Variants in ALPK2 observed in about 807,000 individuals in gnomAD.
The protein encoded by ALPK2 is alpha kinase 2, also known as alpha-protein kinase 2.
In ALPK2, 127 loss-of-function variants were observed where a neutral mutation model predicts 163.1. The observed-to-expected ratio is 0.78, with a 90% CI of 0.67 to 0.90. The LOEUF (loss-of-function observed/expected upper bound fraction) is 0.90. Among genes scored for constraint, ALPK2 ranks in the 40% least tolerant of loss-of-function variants. The probability of loss-of-function intolerance (pLI) is 0.00; values close to 1 mark genes in which losing one functional copy is unlikely to be tolerated. For missense variants in ALPK2, 2,360 were observed against 2,589.6 expected (o/e 0.91, Z 1.92); for synonymous variants, 953 against 959.1 (o/e 0.99, Z 0.12).
At chr18:58,617,239 T>G (rs1217032065) in intron 1 of ALPK2, among the ~76,000 whole-genome samples, 1 of 152,270 alleles carries the variant, frequency 6.6e-6, no homozygotes, top group East Asian at 1.9e-4. Flanking sequence ...CAGGCTAGAG[T>G]GCAATGGCAC....
At chr18:58,589,329 G>T (rs1214191219) in intron 3 of ALPK2, among the ~76,000 whole-genome samples, 2 of 152,200 alleles carry the variant, frequency 1.3e-5, no homozygotes, top group African/African-American at 4.8e-5. Context: ...TTAGTTTTGG[G>T]CAGGAGGAGG....
At chr18:58,511,461 C>G (rs2051490074) in intron 10 of ALPK2, 1 of 152,262 alleles carries the variant, frequency 6.6e-6, no homozygotes, top group Admixed American at 6.5e-5. Flanking sequence ...CAGGTCCTGC[C>G]CTGCTCACTT....
chr18:58,574,281 A>G (rs1025221685), intron 4 of ALPK2, among the ~76,000 whole-genome samples: 1 of 100,746 alleles, frequency 9.9e-6, no homozygotes, highest in Admixed American at 8.9e-5. Context: ...TGTCTCTACT[A>G]AAAAAAAAAA....
intron 3 of ALPK2, among the ~76,000 whole-genome samples, chr18:58,583,801 G>A (rs1023509726): frequency 6.6e-6 from 1 of 151,810 alleles, no homozygotes; most frequent in Admixed American, 6.6e-5. Flanking sequence ...GGGCAATAGG[G>A]ACTACTGGGA....
In ALPK2 at chr18:58,535,012, C is replaced by T; in HGVS notation, c.5175G>A (p.Glu1725=). The change falls in exon 5 of 13, where the codon GAG becomes GAA. Residue 1725 remains glutamate (E), a synonymous_variant. Transcript: ENST00000361673. The part of the protein sequence containing the change: ...PEAPGSGHLA[E]GVKKKILSRV... ...TGGACAAAATTTTCTTCTTTACTCC[C>T]TCAGCTAAATGTCCACTGCCTGGGG... is the stretch of plus-strand genomic sequence containing the variant. 1 of 1,614,166 alleles carries T rather than the reference C, an allele frequency of 6.2e-7. No homozygotes were observed. The highest frequency in any genetic ancestry group is 8.5e-7 in the Non-Finnish European group (1 of 1,180,010).
intron 3 of ALPK2, chr18:58,580,903 C>A (rs1441692568): frequency 5.2e-6 from 1 of 192,884 alleles, no homozygotes; most frequent in East Asian, 1.2e-4. Flanking sequence ...AATTGCCCAC[C>A]CCTTTCTTGG....
intron 5 of ALPK2, among the ~76,000 whole-genome samples, chr18:58,532,300 T>C (rs1012627950): frequency 6.6e-6 from 1 of 152,200 alleles, no homozygotes; most frequent in African/African-American, 2.4e-5. Context: ...AGAAACCCGT[T>C]CTAATTTTCT....
At position 58,503,925 on chromosome 18, in the gene ALPK2, C is replaced by T. The variant is rs747238648; in HGVS notation, c.6247+6G>A. The T allele has an allele frequency of 6.2e-6, 10 of 1,610,500 alleles. No individual in the cohort carries two copies. Among genetic ancestry groups the T allele is most frequent in the African/African-American group, 4.0e-5 (3 of 74,842 alleles). On this transcript the variant is annotated splice_donor_region_variant and intron_variant, in intron 11 of 12. Transcript: ENST00000361673. ...CCTGGAGCCTGGGCTAAGCTGCTTT[C>T]CTCACCTTGCATGTCCGTCACCAGG...
chr18:58,551,160 T>TATTG (rs1186644233), intron 4 of ALPK2, among the ~76,000 whole-genome samples: 3 of 151,550 alleles, frequency 2.0e-5, no homozygotes, highest in Non-Finnish European at 4.4e-5. Flanking sequence ...GTATCTACAC[T>TATTG]ATTGGCAACT....
chr18:58,560,192 A>G (rs868571526), intron 4 of ALPK2, among the ~76,000 whole-genome samples: 25 of 152,322 alleles, frequency 1.6e-4, no homozygotes, highest in African/African-American at 5.3e-4. Flanking sequence ...ATAGTGAATG[A>G]GTCTCACAAG....
At chr18:58,551,560 TA>T (rs1303549096) in intron 4 of ALPK2, among the ~76,000 whole-genome samples, 1 of 152,220 alleles carries the variant, frequency 6.6e-6, no homozygotes, top group African/African-American at 2.4e-5. Context: ...TTCAACCCAC[TA>T]AAGCAATCCA....
chr18:58,573,613 C>CTTTTTTTTTTTT (rs778622176), intron 4 of ALPK2, among the ~76,000 whole-genome samples: 110 of 51,704 alleles, frequency 2.1e-3, no homozygotes, highest in Non-Finnish European at 2.4e-3. Context: ...TTTTTGTCTT[C>CTTTTTTTTTTTT]TTTTTTTTTT....
chr18:58,481,871 CAT>C lies in ALPK2; in HGVS notation c.6463_6464del (p.Met2155AspfsTer8), dbSNP rs372893643. 2.5e-6 allele frequency: 4 copies of C among 1,614,036 alleles called. No homozygotes were observed. The highest frequency in any genetic ancestry group is 1.3e-5 in the African/African-American group (1 of 75,042). ...TCTCAGGCCCTGCCTTCTTTATTGTCATAGAGTTTGTTTGAACTTTGCTTTTC... is the reference window on the plus strand; with the variant it reads ...TCTCAGGCCCTGCCTTCTTTATTGTCAGAGTTTGTTTGAACTTTGCTTTTC... ...IGKSKVQTNS[M>X]TIKKAGPETP... On this transcript the variant is annotated frameshift_variant, in exon 13 of 13. Transcript: ENST00000361673. LOFTEE classifies it low-confidence loss of function (END_TRUNC).
chr18:58,557,632 A>C (rs933375140), intron 4 of ALPK2, among the ~76,000 whole-genome samples: 1 of 150,960 alleles, frequency 6.6e-6, no homozygotes, highest in African/African-American at 2.4e-5. Context: ...TTACGTATAA[A>C]CTATAGTGTG....
chr18:58,585,679 GCTTT>G (rs1400203834), intron 3 of ALPK2, among the ~76,000 whole-genome samples: 4 of 111,596 alleles, frequency 3.6e-5, no homozygotes, highest in Admixed American at 1.1e-4. Context: ...ATTCTATGTT[GCTTT>G]TTTTTTTTTT....
Position 58,536,404 on chromosome 18 carries a change from T to C in ALPK2, c.3783A>G (p.Ala1261=), listed in dbSNP as rs1373246606. The C allele has an allele frequency of 1.9e-6, 3 of 1,614,098 alleles. No individual in the cohort carries two copies. In the Admixed American group the frequency reaches 5.0e-5, roughly 27 times the overall value. ...PRQLTNSESK[A]SDGGLIIPDK... The stretch of plus-strand genomic sequence containing the variant: ...CAGGAATTATGAGACCACCGTCTGA[T>C]GCCTTGCTCTCAGAATTTGTCAGTT... The change falls in exon 5 of 13, where the codon GCA becomes GCG. Residue 1261 remains alanine (A), a synonymous_variant. Coordinates refer to ENST00000361673, the MANE Select transcript of ALPK2 (RefSeq NM_052947.4).
intron 8 of ALPK2, 111 bp downstream of exon 8, chr18:58,523,695 T>C (rs1391859903): frequency 2.2e-6 from 3 of 1,368,442 alleles, no homozygotes; most frequent in Middle Eastern, 3.6e-4. Flanking sequence ...TAGCTCTCCT[T>C]CTCGGTTGGA....
chr18:58,576,902 G>C (rs1412419201), intron 4 of ALPK2, among the ~76,000 whole-genome samples: 2 of 152,222 alleles, frequency 1.3e-5, no homozygotes, highest in Non-Finnish European at 2.9e-5. Context: ...AGCAAAGTGA[G>C]AAAAGGTCTC....
At chr18:58,619,356 C>T (rs1276902686) in intron 1 of ALPK2, among the ~76,000 whole-genome samples, 1 of 151,954 alleles carries the variant, frequency 6.6e-6, no homozygotes, top group Non-Finnish European at 1.5e-5. Context: ...TCACAGCCTG[C>T]AAGTGGCAGA....
Sources: allele counts gnomAD v4.1 joint callset (sites outside exome capture counted in the v4.1 genomes callset), GRCh38; gene constraint gnomAD v4.1.1; transcripts MANE v1.5; gene names NCBI Gene and HGNC (gene_info 2026-07-23, HGNC 2026-07-21).